The following NDE1 variants were observed in gnomAD, a reference collection of about 807,000 sequenced individuals.
NDE1 encodes the protein nudE neurodevelopment protein 1, also known as nuclear distribution protein nudE homolog 1.
Under a neutral mutation model 43.4 loss-of-function variants are expected in NDE1, and 28 were observed. The observed-to-expected ratio is 0.65, with a 90% CI of 0.48 to 0.89. The LOEUF (loss-of-function observed/expected upper bound fraction) is 0.89. Among genes scored for constraint, NDE1 ranks in the 40% least tolerant of loss-of-function variants. NDE1 has a pLI of 0.00. For synonymous variants in NDE1, 184 were observed against 172.0 expected (o/e 1.07, Z -0.55); for missense variants, 441 against 434.1 (o/e 1.02, Z -0.14).
At chr16:15,694,302 T>C in intron 7 of NDE1, 46 bp downstream of exon 7, 1 of 1,601,178 alleles carries the variant, frequency 6.2e-7, no homozygotes, top group Admixed American at 1.7e-5. Flanking sequence ...TGCCTGTCTT[T>C]CAGGATGTGT....
Position 15,719,258 on chromosome 16 carries a change from C to T in NDE1, c.948-4933C>T, listed in dbSNP as rs949333851. 1 of 1,613,552 alleles carries T rather than the reference C, an allele frequency of 6.2e-7. No individual in the cohort carries two copies. ...TACTGGCCAGCTCCTCTGCCAGTTC[C>T]TCCTTCTCGAGGTCCGCTTGTTTGC... On this transcript the variant is annotated intron_variant, in intron 8 of 8. Transcript: ENST00000396354.
intron 5 of NDE1, among the ~76,000 whole-genome samples, chr16:15,689,505 A>G (rs1396371792): frequency 6.6e-6 from 1 of 152,186 alleles, no homozygotes; most frequent in Non-Finnish European, 1.5e-5. Flanking sequence ...AACAAAAATC[A>G]TTGCCAAGAC....
chr16:15,705,337 G>A (rs2039387467), intron 8 of NDE1, among the ~76,000 whole-genome samples: 1 of 152,134 alleles, frequency 6.6e-6, no homozygotes, highest in Non-Finnish European at 1.5e-5. Context: ...CCTTAATGCT[G>A]CCATCTCCTC....
intron 6 of NDE1, among the ~76,000 whole-genome samples, chr16:15,691,900 G>GGATT (rs970375201): frequency 1.3e-5 from 2 of 151,784 alleles, no homozygotes; most frequent in African/African-American, 4.8e-5. Flanking sequence ...CAAAGTGCTG[G>GGATT]GATTACAGGT....
chr16:15,678,093 C>T (rs547063966), intron 4 of NDE1, 144 bp downstream of exon 4: 108 of 1,064,790 alleles, frequency 1.0e-4, no homozygotes, highest in East Asian at 7.2e-4. Flanking sequence ...TTTTAGTGCC[C>T]GGGGGGAAAT....
intron 8 of NDE1, among the ~76,000 whole-genome samples, chr16:15,697,443 G>A (rs1567661550): frequency 1.3e-5 from 2 of 152,030 alleles, no homozygotes. Flanking sequence ...GTGTGGTGAC[G>A]CTCGCCTGTA....
intron 3 of NDE1, among the ~76,000 whole-genome samples, chr16:15,675,985 G>C (rs772004627): frequency 3.9e-4 from 59 of 152,104 alleles, no homozygotes; most frequent in Admixed American, 1.1e-3. Context: ...GGTGTACTTA[G>C]CCTGGAGGTG....
Position 15,696,781 on chromosome 16 carries a change from G to C in NDE1, c.868G>C (p.Ala290Pro). Residue 290 changes from alanine (A) to proline (P), a missense_variant, in exon 8 of 9, where the codon GCC becomes CCC. Physicochemically the swap from Ala to Pro is conservative, Grantham distance 27. Coordinates refer to ENST00000396354, the MANE Select transcript of NDE1 (RefSeq NM_017668.3). ...GTCCCCAAACCGAACAGGTGGCCCA[G>C]CCTCTGGGCGGAGCAGCAAGAACAG... ...DQSPNRTGGP[A>P]SGRSSKNRDG... 6.2e-7 allele frequency: 1 copy of C among 1,614,224 alleles called. No homozygotes were observed. The highest frequency in any genetic ancestry group is 8.5e-7 in the Non-Finnish European group (1 of 1,180,044).
chr16:15,664,887 CTTT>C (rs377725096), intron 2 of NDE1, 26 bp downstream of exon 2: 5,066 of 1,316,072 alleles, frequency 3.8e-3, no homozygotes, highest in Non-Finnish European at 4.5e-3. Context: ...CCTGCTTTTC[CTTT>C]TTTTTTTTTT....
intron 8 of NDE1, chr16:15,714,729 G>T: frequency 3.8e-6 from 3 of 784,982 alleles, no homozygotes; most frequent in South Asian, 1.6e-5. Context: ...GCAGGGCCCG[G>T]GTCTGATCTC....
At chr16:15,666,264 T>C (rs2037301772) in intron 2 of NDE1, among the ~76,000 whole-genome samples, 1 of 152,076 alleles carries the variant, frequency 6.6e-6, no homozygotes, top group Non-Finnish European at 1.5e-5. Context: ...TTATAATGGG[T>C]CTTTATAATT....
At chr16:15,675,012 T>C (rs971794821) in intron 3 of NDE1, among the ~76,000 whole-genome samples, 3 of 152,066 alleles carry the variant, frequency 2.0e-5, no homozygotes, top group African/African-American at 7.2e-5. Context: ...CTTTCTTTGG[T>C]TGTGGACACC....
At chr16:15,700,288 G>A (rs757698596) in intron 8 of NDE1, 1 of 193,526 alleles carries the variant, frequency 5.2e-6, no homozygotes, top group Non-Finnish European at 9.7e-6. Context: ...TAATAGAGAC[G>A]GGGTTTTGCC....
intron 3 of NDE1, among the ~76,000 whole-genome samples, chr16:15,671,980 G>A (rs1310137809): frequency 2.0e-4 from 30 of 152,170 alleles, no homozygotes; most frequent in South Asian, 1.0e-3. Flanking sequence ...GAGCCACTGC[G>A]CCTGGCTGAT....
At chr16:15,643,697 C>T (rs1221320719) in exon 1 of NDE1, 1 of 225,258 alleles carries the variant, frequency 4.4e-6, no homozygotes, top group South Asian at 4.6e-5. Context: ...AAAAAAATAA[C>T]TGCCAACCTG....
At chr16:15,716,524 G>T (rs2242548) in intron 8 of NDE1, among the ~76,000 whole-genome samples, 52,706 of 150,742 alleles carry the variant, frequency 0.35, 9,618 homozygotes, top group African/African-American at 0.46. Flanking sequence ...GGTTTTTTTT[G>T]TGTGTGTGTA....
chr16:15,699,866 G>A (rs772217784), intron 8 of NDE1: 28 of 1,323,272 alleles, frequency 2.1e-5, no homozygotes, highest in Non-Finnish European at 2.5e-5. Flanking sequence ...TGCGGAAGTC[G>A]TTACCTTTTG....
intron 8 of NDE1, chr16:15,713,577 C>G (rs1330186853): frequency 6.6e-6 from 1 of 152,174 alleles, no homozygotes; most frequent in Non-Finnish European, 1.5e-5. Context: ...CTCACTGCAG[C>G]CTTGACCTCT....
At chr16:15,683,364 G>A (rs113814693) in intron 4 of NDE1, 1 of 151,902 alleles carries the variant, frequency 6.6e-6, no homozygotes, top group Non-Finnish European at 1.5e-5. Context: ...TTGTTTTTAA[G>A]ACAGAGTCTA....
Sources: allele counts gnomAD v4.1 joint callset (sites outside exome capture counted in the v4.1 genomes callset), GRCh38; gene constraint gnomAD v4.1.1; transcripts MANE v1.5; gene names NCBI Gene and HGNC (gene_info 2026-07-23, HGNC 2026-07-21).